UBE2D1: variants seen among roughly 807,000 people sequenced by gnomAD.
UBE2D1 encodes the protein ubiquitin-conjugating enzyme E2 D1.
In UBE2D1, 9 loss-of-function variants were observed where a neutral mutation model predicts 24.6. That is an observed-to-expected ratio of 0.37 (90% CI 0.22 to 0.64). The LOEUF is 0.64. UBE2D1 is among the 30% of genes least tolerant of loss of function. UBE2D1 has a pLI of 0.64. For missense variants in UBE2D1, 87 were observed against 177.1 expected (o/e 0.49, Z 2.89); for synonymous variants, 57 against 57.6 (o/e 0.99, Z 0.04).
At position 58,336,925 on chromosome 10, in the gene UBE2D1, C is replaced by T. The variant is rs560428601; in HGVS notation, c.24+1700C>T. On this transcript the variant is annotated intron_variant, in intron 1 of 6. Coordinates refer to ENST00000373910, the MANE Select transcript of UBE2D1 (RefSeq NM_003338.5). ...TCCAGAAAGTCTGGGATTACAGACA[C>T]AAGTCACCATACCCAACTAACAATA... 4.6e-5 allele frequency among the ~76,000 whole-genome samples: 7 copies of T among 152,284 alleles called. No homozygotes were observed. The East Asian group carries it at 1.4e-3, about 29-fold the overall frequency.
At chr10:58,360,088 ACAC>A (rs781028783) in intron 1 of UBE2D1, among the ~76,000 whole-genome samples, 16 of 152,180 alleles carry the variant, frequency 1.1e-4, no homozygotes, top group South Asian at 4.2e-4. Context: ...TTGGTATAAA[ACAC>A]CACATCATTA....
intron 1 of UBE2D1, among the ~76,000 whole-genome samples, chr10:58,346,308 G>A (rs964815451): frequency 3.9e-5 from 6 of 152,022 alleles, no homozygotes; most frequent in South Asian, 2.1e-4. Context: ...CACCATACCC[G>A]GCCGGAATGA....
chr10:58,335,345 G>A (rs112660736), intron 1 of UBE2D1, 120 bp downstream of exon 1: 5 of 1,219,366 alleles, frequency 4.1e-6, no homozygotes, highest in African/African-American at 1.6e-5. Flanking sequence ...GCCGGGGTGC[G>A]GGCAGGGAGC....
intron 1 of UBE2D1, among the ~76,000 whole-genome samples, chr10:58,353,762 T>C (rs1840101610): frequency 6.6e-6 from 1 of 152,240 alleles, no homozygotes; most frequent in Non-Finnish European, 1.5e-5. Flanking sequence ...ACCTGCACTA[T>C]TCTAACACCT....
In UBE2D1 at chr10:58,370,028, T is replaced by C. The variant is rs1840297956; in HGVS notation, c.*1263T>C. On this transcript the variant is annotated 3_prime_UTR_variant, in exon 7 of 7. Coordinates refer to ENST00000373910, the MANE Select transcript of UBE2D1 (RefSeq NM_003338.5). The stretch of plus-strand genomic sequence containing the variant: ...CTAGAATTTCTAAAATGGAATTTAA[T>C]GCCATCACAATTTGAAAAACTTTTT... 6.6e-6 allele frequency: 1 copy of C among 151,204 alleles called. No homozygotes were observed. 9.4% of individuals were successfully genotyped at this position (151,204 alleles called of 1,614,324 possible). A position where few individuals can be genotyped will look rare whatever the true frequency, so the allele number is the denominator to read the frequency against.
chr10:58,361,318 A>G lies in UBE2D1; in HGVS notation c.25-20A>G, dbSNP rs757370723. On this transcript the variant is annotated intron_variant, in intron 1 of 6. Coordinates refer to ENST00000373910, the MANE Select transcript of UBE2D1 (RefSeq NM_003338.5). Reference sequence around the variant, plus strand: ...TGGGAAAAGAAGGAATTAACCTTACATATTTTTGATTTCCTTCAGGAATTG... The same window carrying G: ...TGGGAAAAGAAGGAATTAACCTTACGTATTTTTGATTTCCTTCAGGAATTG... 8 of 1,613,470 alleles carry G rather than the reference A, an allele frequency of 5.0e-6. No homozygotes were observed. Among genetic ancestry groups the G allele is most frequent in the Admixed American group, 1.7e-5 (1 of 60,032 alleles).
intron 4 of UBE2D1, among the ~76,000 whole-genome samples, chr10:58,364,161 T>G (rs1359247569): frequency 6.6e-6 from 1 of 152,122 alleles, no homozygotes; most frequent in Non-Finnish European, 1.5e-5. Flanking sequence ...ACATGTTAGA[T>G]TTAGATTTGC....
chr10:58,361,558 C>A (rs1297130048), intron 3 of UBE2D1, 32 bp downstream of exon 3: 3 of 1,612,872 alleles, frequency 1.9e-6, no homozygotes, highest in Admixed American at 3.3e-5. Flanking sequence ...GAAATTAACC[C>A]CCTCAGCCAT....
At chr10:58,365,151 C>T (rs930947405) in intron 5 of UBE2D1, among the ~76,000 whole-genome samples, 6 of 152,002 alleles carry the variant, frequency 3.9e-5, no homozygotes, top group Non-Finnish European at 5.9e-5. Flanking sequence ...ATATTTTATC[C>T]TTTTAGCTTG....
chr10:58,363,021 G>A (rs1430997281), intron 3 of UBE2D1, among the ~76,000 whole-genome samples: 3 of 151,952 alleles, frequency 2.0e-5, no homozygotes, highest in Non-Finnish European at 4.4e-5. Context: ...ATAGTAGCAT[G>A]AATATATAAT....
chr10:58,338,107 A>T (rs533129467), intron 1 of UBE2D1, among the ~76,000 whole-genome samples: 8 of 152,104 alleles, frequency 5.3e-5, no homozygotes, highest in Non-Finnish European at 1.0e-4. Context: ...TCGGCCTCCC[A>T]AGGTGCTAGG....
intron 1 of UBE2D1, among the ~76,000 whole-genome samples, chr10:58,358,842 C>T (rs1031888634): frequency 1.3e-5 from 2 of 151,166 alleles, no homozygotes; most frequent in African/African-American, 4.9e-5. Context: ...TTTACTGCAG[C>T]CTCGAACTCC....
chr10:58,349,050 T>C (rs529349375), intron 1 of UBE2D1, among the ~76,000 whole-genome samples: 1 of 152,326 alleles, frequency 6.6e-6, no homozygotes, highest in South Asian at 2.1e-4. Context: ...CTTTTCTTTG[T>C]GTCTCGTTGT....
chr10:58,352,010 C>T (rs1840082305), intron 1 of UBE2D1, among the ~76,000 whole-genome samples: 1 of 152,082 alleles, frequency 6.6e-6, no homozygotes, highest in African/African-American at 2.4e-5. Context: ...GTTTTTTCCT[C>T]ATATGGATAC....
At chr10:58,339,602 C>A (rs1275207968) in intron 1 of UBE2D1, among the ~76,000 whole-genome samples, 1 of 152,102 alleles carries the variant, frequency 6.6e-6, no homozygotes, top group Non-Finnish European at 1.5e-5. Flanking sequence ...TGACTTAATT[C>A]TTAGTATACC....
intron 1 of UBE2D1, among the ~76,000 whole-genome samples, chr10:58,352,432 C>A (rs905800171): frequency 2.0e-5 from 3 of 151,808 alleles, no homozygotes; most frequent in African/African-American, 4.8e-5. Context: ...AGCCCTGAGT[C>A]CTACTTGTAA....
chr10:58,370,651 C>A lies in UBE2D1; in HGVS notation c.*1886C>A. ...GTAAAGGGTTTTGTTTCTTGAATAT[C>A]TTCACTTTAAACAAAAAAAAAAAAC... On this transcript the variant is annotated 3_prime_UTR_variant, in exon 7 of 7. Transcript: ENST00000373910. 7.8e-6 allele frequency: 1 copy of A among 128,836 alleles called. No individual in the cohort carries two copies. The allele number at this position is 128,836 out of a possible 1,614,324, so 8.0% of individuals were successfully genotyped here.
intron 1 of UBE2D1, among the ~76,000 whole-genome samples, chr10:58,338,396 C>T (rs781511041): frequency 6.6e-6 from 1 of 151,868 alleles, no homozygotes; most frequent in Non-Finnish European, 1.5e-5. Flanking sequence ...CACACCCATG[C>T]CCTATTTTTA....
intron 5 of UBE2D1, 90 bp downstream of exon 5, chr10:58,364,966 A>T: frequency 9.9e-7 from 1 of 1,005,692 alleles, no homozygotes; most frequent in East Asian, 2.5e-5. Context: ...TTTTAAAACA[A>T]CAATCAACTG....
Sources: allele counts gnomAD v4.1 joint callset (sites outside exome capture counted in the v4.1 genomes callset), GRCh38; gene constraint gnomAD v4.1.1; transcripts MANE v1.5; gene names NCBI Gene and HGNC (gene_info 2026-07-23, HGNC 2026-07-21).